The following ANKS1B variants were observed in gnomAD, a reference collection of about 807,000 sequenced individuals.
The protein encoded by ANKS1B is ankyrin repeat and sterile alpha motif domain containing 1B, also known as ankyrin repeat and sterile alpha motif domain-containing protein 1B.
In ANKS1B, 36 loss-of-function variants were observed where a neutral mutation model predicts 148.3. That is an observed-to-expected ratio of 0.24 (90% CI 0.19 to 0.32). The LOEUF (loss-of-function observed/expected upper bound fraction) is 0.32, where lower values mean the gene tolerates loss of function less well. Among genes scored for constraint, ANKS1B ranks in the 10% least tolerant of loss-of-function variants. The pLI, the probability that ANKS1B is intolerant of heterozygous loss-of-function variation, is 1.00. For missense variants in ANKS1B, 1,157 were observed against 1,542.6 expected, an observed-to-expected ratio of 0.75 and a Z score of 4.19; for synonymous variants, 542 against 560.8, an observed-to-expected ratio of 0.97 and a Z score of 0.47.
chr12:99,561,415 T>C (rs542808684), intron 9 of ANKS1B, among the ~76,000 whole-genome samples: 8 of 152,354 alleles, frequency 5.3e-5, no homozygotes, highest in African/African-American at 1.4e-4. Context: ...TCATTGTATG[T>C]TGTCTTTTCT....
chr12:99,806,957 C>G (rs139899090), intron 3 of ANKS1B, among the ~76,000 whole-genome samples: 1 of 152,082 alleles, frequency 6.6e-6, no homozygotes, highest in Admixed American at 6.5e-5. Flanking sequence ...CCAAAAATGA[C>G]AAATGATTTA....
chr12:99,114,968 A>T, intron 15 of ANKS1B, among the ~76,000 whole-genome samples: 1 of 152,058 alleles, frequency 6.6e-6, no homozygotes, highest in Admixed American at 6.5e-5. Context: ...TTAAAAAGTA[A>T]AAAAATAACA....
intron 8 of ANKS1B, among the ~76,000 whole-genome samples, chr12:99,726,166 C>T (rs181706254): frequency 2.6e-5 from 4 of 151,862 alleles, no homozygotes; most frequent in Non-Finnish European, 4.4e-5. Context: ...GATAGAGACA[C>T]AAAAAACCCT....
At chr12:99,790,050 T>C (rs117584002) in intron 4 of ANKS1B, among the ~76,000 whole-genome samples, 5 of 152,250 alleles carry the variant, frequency 3.3e-5, no homozygotes, top group Non-Finnish European at 5.9e-5. Context: ...CAAAGAAGGC[T>C]ACTTCAAGGC....
intron 10 of ANKS1B, among the ~76,000 whole-genome samples, chr12:99,463,366 G>A (rs1338413370): frequency 6.6e-6 from 1 of 152,216 alleles, no homozygotes. Context: ...GAGTGACGCA[G>A]AAGACGGGTG....
chr12:99,828,859 T>C (rs2083537441), intron 1 of ANKS1B, among the ~76,000 whole-genome samples: 1 of 152,106 alleles, frequency 6.6e-6, no homozygotes, highest in Non-Finnish European at 1.5e-5. Context: ...GGCGCACGCC[T>C]GTAGTCCCAG....
At chr12:99,185,332 AT>A (rs1287888109) in intron 14 of ANKS1B, among the ~76,000 whole-genome samples, 1 of 152,218 alleles carries the variant, frequency 6.6e-6, no homozygotes, top group African/African-American at 2.4e-5. Flanking sequence ...ACTCACAACG[AT>A]TGGTATAGCT....
At chr12:99,481,376 G>A (rs984255464) in intron 10 of ANKS1B, among the ~76,000 whole-genome samples, 5 of 151,706 alleles carry the variant, frequency 3.3e-5, no homozygotes, top group South Asian at 2.1e-4. Flanking sequence ...TTTAATGGCT[G>A]AGTAGTATTC....
chr12:99,332,427 T>G (rs2087750027), intron 12 of ANKS1B, among the ~76,000 whole-genome samples: 1 of 152,076 alleles, frequency 6.6e-6, no homozygotes, highest in Non-Finnish European at 1.5e-5. Context: ...GGCACTTTGC[T>G]ACCAGTTATT....
chr12:99,485,429 A>C (rs1595713206), intron 10 of ANKS1B, among the ~76,000 whole-genome samples: 1 of 152,142 alleles, frequency 6.6e-6, no homozygotes, highest in East Asian at 1.9e-4. Context: ...CTGCTCTTGG[A>C]ATTCTTTGCT....
At chr12:99,444,574 G>T (rs2095605650) in intron 10 of ANKS1B, among the ~76,000 whole-genome samples, 1 of 151,818 alleles carries the variant, frequency 6.6e-6, no homozygotes, top group African/African-American at 2.4e-5. Context: ...TGCCATTTTA[G>T]AATGTTTAAA....
chr12:99,240,972 A>G (rs1180623409), intron 14 of ANKS1B, among the ~76,000 whole-genome samples: 9 of 152,214 alleles, frequency 5.9e-5, no homozygotes, highest in Admixed American at 5.2e-4. Flanking sequence ...ACACGCTAAC[A>G]TCACAATTAA....
intron 25 of ANKS1B, among the ~76,000 whole-genome samples, chr12:98,756,715 G>C (rs2153421570): frequency 6.7e-6 from 1 of 150,228 alleles, no homozygotes; most frequent in East Asian, 2.0e-4. Context: ...GACAGAGCGA[G>C]ACTCCATCTA....
At chr12:98,877,336 A>G (rs916915581) in intron 17 of ANKS1B, among the ~76,000 whole-genome samples, 1 of 152,240 alleles carries the variant, frequency 6.6e-6, no homozygotes, top group Non-Finnish European at 1.5e-5. Context: ...TGCTGCCAAC[A>G]TTACCAGCTT....
chr12:99,067,006 A>T (rs898431194), intron 16 of ANKS1B, among the ~76,000 whole-genome samples: 3 of 152,218 alleles, frequency 2.0e-5, no homozygotes, highest in African/African-American at 7.2e-5. Context: ...TTCAAGGAAT[A>T]ATAGATGAGT....
At chr12:98,816,770 C>T (rs1056592859) in intron 19 of ANKS1B, among the ~76,000 whole-genome samples, 5 of 152,110 alleles carry the variant, frequency 3.3e-5, no homozygotes, top group South Asian at 2.1e-4. Flanking sequence ...ATTGCTTTCT[C>T]CGTGGACAGA....
intron 8 of ANKS1B, among the ~76,000 whole-genome samples, chr12:99,686,874 G>A (rs2098652499): frequency 6.6e-6 from 1 of 152,054 alleles, no homozygotes; most frequent in African/African-American, 2.4e-5. Context: ...CCTTTAAGAA[G>A]ATTAAAAACA....
At chr12:99,805,381 G>A (rs2067507548) in intron 4 of ANKS1B, among the ~76,000 whole-genome samples, 1 of 150,698 alleles carries the variant, frequency 6.6e-6, no homozygotes, top group African/African-American at 2.4e-5. Context: ...CCCAGAACTT[G>A]GGGATGCCAA....
chr12:99,317,863 T>C (rs2084439537), intron 12 of ANKS1B, among the ~76,000 whole-genome samples: 1 of 152,218 alleles, frequency 6.6e-6, no homozygotes, highest in Non-Finnish European at 1.5e-5. Flanking sequence ...TATTGAGAGT[T>C]TTTAGCATGA....
Sources: gnomAD v4.1 joint callset for allele counts (sites outside exome capture counted in the v4.1 genomes callset) on GRCh38, gnomAD v4.1.1 for gene constraint, MANE v1.5 for transcripts, NCBI Gene and HGNC (gene_info 2026-07-23, HGNC 2026-07-21) for gene names.